MEGF11: variants seen among roughly 807,000 people sequenced by gnomAD.
The protein encoded by MEGF11 is multiple epidermal growth factor-like domains protein 11.
In MEGF11, 126 loss-of-function variants were observed where a neutral mutation model predicts 146.6. The ratio of observed to expected loss-of-function variants is 0.86; its 90% CI spans 0.74 to 1.00. The LOEUF (loss-of-function observed/expected upper bound fraction) is 1.00, where lower values mean the gene tolerates loss of function less well. MEGF11 is among the 50% of genes least tolerant of loss of function. MEGF11 has a pLI of 0.00. For missense variants in MEGF11, 1,509 were observed against 1,521.2 expected (o/e 0.99, Z 0.13); for synonymous variants, 532 against 583.4 (o/e 0.91, Z 1.27).
chr15:66,190,919 T>C (rs2090852164), intron 1 of MEGF11, among the ~76,000 whole-genome samples: 1 of 152,156 alleles, frequency 6.6e-6, no homozygotes, highest in African/African-American at 2.4e-5. Flanking sequence ...ATTAGCTTAT[T>C]TATCGTCCCT....
At chr15:66,097,315 C>T (rs1279221221) in intron 4 of MEGF11, among the ~76,000 whole-genome samples, 1 of 152,100 alleles carries the variant, frequency 6.6e-6, no homozygotes, top group East Asian at 1.9e-4. Context: ...TGGAGGTGGC[C>T]ATCCCTGGCG....
chr15:66,041,644 T>A (rs1340455076), intron 5 of MEGF11, among the ~76,000 whole-genome samples: 3 of 152,242 alleles, frequency 2.0e-5, no homozygotes, highest in Non-Finnish European at 1.5e-5. Flanking sequence ...CTGCTTTTGC[T>A]CTCCAATAGC....
At position 65,922,872 on chromosome 15, in the gene MEGF11, A is replaced by G. The variant is rs771487153; in HGVS notation, c.1773T>C (p.Asp591=). 1.1e-5 allele frequency: 18 copies of G among 1,613,596 alleles called. No individual in the cohort carries two copies. Among genetic ancestry groups the G allele is most frequent in the Non-Finnish European group, 9.3e-6 (11 of 1,179,774 alleles). ...AGCCAGGGGCACACTCGCAGCTCCC[A>G]TCCTCTGGGGAGCAGGAGCCTCCAT... The part of the protein sequence containing the change: ...CENGGSCSPE[D]GSCECAPGFR... The change falls in exon 14 of 26, where the codon GAT becomes GAC. Residue 591 remains aspartate (D), a synonymous_variant. Coordinates refer to ENST00000395614, the MANE Select transcript of MEGF11 (RefSeq NM_001385028.1).
chr15:66,008,024 G>C (rs1049256592), intron 5 of MEGF11, among the ~76,000 whole-genome samples: 1 of 152,182 alleles, frequency 6.6e-6, no homozygotes, highest in Non-Finnish European at 1.5e-5. Context: ...CTTCCAAGGA[G>C]GATGTATGGG....
At chr15:65,937,944 G>C (rs1298974567) in intron 10 of MEGF11, among the ~76,000 whole-genome samples, 1 of 152,220 alleles carries the variant, frequency 6.6e-6, no homozygotes, top group Non-Finnish European at 1.5e-5. Context: ...GGAACCACTG[G>C]CTATGTGATC....
intron 1 of MEGF11, among the ~76,000 whole-genome samples, chr15:66,204,979 A>T (rs935943718): frequency 8.0e-6 from 1 of 125,160 alleles, no homozygotes; most frequent in African/African-American, 2.8e-5. Flanking sequence ...CTTGGGTTGA[A>T]TTTTTTTTTT....
At chr15:66,026,736 C>T (rs2083343610) in intron 5 of MEGF11, among the ~76,000 whole-genome samples, 1 of 151,996 alleles carries the variant, frequency 6.6e-6, no homozygotes, top group Non-Finnish European at 1.5e-5. Context: ...GATCCACCCA[C>T]CTCGGCCTCT....
intron 1 of MEGF11, among the ~76,000 whole-genome samples, chr15:66,235,913 C>T (rs531360923): frequency 4.3e-4 from 66 of 152,304 alleles, no homozygotes; most frequent in Middle Eastern, 3.4e-3. Flanking sequence ...ATGCCAGGGA[C>T]AGCACTGGGT....
At chr15:66,228,670 C>T (rs1323858485) in intron 1 of MEGF11, among the ~76,000 whole-genome samples, 2 of 152,220 alleles carry the variant, frequency 1.3e-5, no homozygotes, top group African/African-American at 2.4e-5. Flanking sequence ...GGTTGGGACT[C>T]ATCACCTTAT....
At chr15:66,219,652 C>T (rs1228800062) in intron 1 of MEGF11, among the ~76,000 whole-genome samples, 1 of 151,752 alleles carries the variant, frequency 6.6e-6, no homozygotes, top group Non-Finnish European at 1.5e-5. Context: ...AACATTTTGG[C>T]AGTTTCTTAA....
At chr15:65,940,580 A>G (rs564736618) in intron 10 of MEGF11, among the ~76,000 whole-genome samples, 1 of 152,390 alleles carries the variant, frequency 6.6e-6, no homozygotes, top group East Asian at 1.9e-4. Context: ...TTGGTGCGTC[A>G]CTGATAAAGC....
chr15:66,160,706 C>CACACACA (rs1567268108), intron 1 of MEGF11, among the ~76,000 whole-genome samples: 4 of 145,084 alleles, frequency 2.8e-5, no homozygotes, highest in East Asian at 2.1e-4. Context: ...CACACACACA[C>CACACACA]CCTTGCCCTA....
intron 23 of MEGF11, among the ~76,000 whole-genome samples, chr15:65,908,461 G>A (rs577420472): frequency 1.3e-5 from 2 of 152,296 alleles, no homozygotes; most frequent in East Asian, 3.9e-4. Flanking sequence ...TCTTGTGTGT[G>A]TGTCTCCCAA....
intron 21 of MEGF11, among the ~76,000 whole-genome samples, chr15:65,911,032 T>C (rs2078788202): frequency 6.6e-6 from 1 of 152,094 alleles, no homozygotes; most frequent in Non-Finnish European, 1.5e-5. Flanking sequence ...TTAAGGGAGC[T>C]CCCTATGTAT....
At chr15:66,051,990 A>T (rs2084466201) in intron 5 of MEGF11, among the ~76,000 whole-genome samples, 1 of 152,170 alleles carries the variant, frequency 6.6e-6, no homozygotes, top group Non-Finnish European at 1.5e-5. Context: ...TATTTACTCC[A>T]TCAGCAGGCT....
chr15:66,132,534 G>T (rs530444073), intron 1 of MEGF11, among the ~76,000 whole-genome samples: 1 of 152,166 alleles, frequency 6.6e-6, no homozygotes, highest in Admixed American at 6.5e-5. Flanking sequence ...TTGCACTGGC[G>T]GCAGGAGTGG....
chr15:66,083,943 G>T (rs550904295), intron 5 of MEGF11, among the ~76,000 whole-genome samples: 1 of 152,284 alleles, frequency 6.6e-6, no homozygotes, highest in South Asian at 2.1e-4. Flanking sequence ...TTTTAAAAAT[G>T]ACACTATCAA....
At chr15:66,197,486 G>A (rs1217668160) in intron 1 of MEGF11, among the ~76,000 whole-genome samples, 2 of 151,982 alleles carry the variant, frequency 1.3e-5, no homozygotes, top group Non-Finnish European at 2.9e-5. Flanking sequence ...GCAGTGGTGC[G>A]ATCTCAACTC....
intron 4 of MEGF11, among the ~76,000 whole-genome samples, chr15:66,112,644 CAA>C (rs2087491757): frequency 1.3e-5 from 2 of 150,412 alleles, no homozygotes; most frequent in African/African-American, 2.5e-5. Context: ...CTCTGAGAAG[CAA>C]AGAGTATAAA....
Sources: allele counts gnomAD v4.1 joint callset (sites outside exome capture counted in the v4.1 genomes callset), GRCh38; gene constraint gnomAD v4.1.1; transcripts MANE v1.5; gene names NCBI Gene and HGNC (gene_info 2026-07-23, HGNC 2026-07-21).